The following NCAM1 variants were observed in gnomAD, a reference collection of about 807,000 sequenced individuals.
NCAM1 encodes antigen recognized by monoclonal antibody 5.1H11.
Under a neutral mutation model 109.8 loss-of-function variants are expected in NCAM1, and 14 were observed. The observed-to-expected ratio is 0.13, with a 90% confidence interval of 0.08 to 0.20. The LOEUF (loss-of-function observed/expected upper bound fraction) is 0.20, where lower values mean the gene tolerates loss of function less well. Ranked by LOEUF, NCAM1 falls within the 10% of genes least tolerant of loss-of-function variation. NCAM1 has a pLI of 1.00. For missense variants in NCAM1, 774 were observed against 1,109.9 expected, an observed-to-expected ratio of 0.70 and a Z score of 4.30; for synonymous variants, 418 against 442.9, an observed-to-expected ratio of 0.94 and a Z score of 0.70.
Position 113,233,365 on chromosome 11 carries a change from T to G in NCAM1, c.1693+48T>G. On this transcript the variant is annotated intron_variant, in intron 13 of 19. Coordinates refer to ENST00000316851, the MANE Select transcript of NCAM1 (RefSeq NM_181351.5). This position sits in a 1 kb window ranked among gnomAD's most constrained non-coding sequence, Gnocchi z 4.5. Reference sequence around the variant, plus strand: ...TCCATTGGGATCATGAGTGCCTCAGTACTCAGATGTCCCCACCTGCCATCC... The same window carrying G: ...TCCATTGGGATCATGAGTGCCTCAGGACTCAGATGTCCCCACCTGCCATCC... 6.4e-7 allele frequency: 1 copy of G among 1,553,266 alleles called. No homozygotes were observed. Among genetic ancestry groups the G allele is most frequent in the Non-Finnish European group, 8.8e-7 (1 of 1,140,170 alleles).
At chr11:112,999,743 T>G (rs1375067217) in intron 1 of NCAM1, among the ~76,000 whole-genome samples, 2 of 152,156 alleles carry the variant, frequency 1.3e-5, no homozygotes, top group African/African-American at 4.8e-5. Context: ...ATGTTTCCCC[T>G]GAGACAGTGT....
chr11:113,203,819 T>G lies in NCAM1; in HGVS notation c.128-467T>G, dbSNP rs1365608515. 2.0e-5 allele frequency among the ~76,000 whole-genome samples: 3 copies of G among 152,220 alleles called. No homozygotes were observed. In the East Asian group the frequency reaches 5.8e-4, roughly 29 times the overall value. ...TCTGCACTCCTATACTAGCCAGTATTTCTCGCCTTCATCTCAGGAGACCCA... is the reference window on the plus strand; with the variant it reads ...TCTGCACTCCTATACTAGCCAGTATGTCTCGCCTTCATCTCAGGAGACCCA... On this transcript the variant is annotated intron_variant, in intron 2 of 19. Transcript: ENST00000316851.
chr11:113,035,236 T>C lies in NCAM1; in HGVS notation c.52+73572T>C, dbSNP rs1952835363. On this transcript the variant is annotated intron_variant, in intron 1 of 19. Transcript: ENST00000316851. The stretch of plus-strand genomic sequence containing the variant: ...TCTTCTATGAAAACAGCAATTCTGG[T>C]TTGATAAGTTTGATTCTCAATTTTT... Among the ~76,000 whole-genome samples the C allele has an allele frequency of 1.3e-5, 2 of 152,228 alleles. 1 individual carries two copies. The highest frequency in any genetic ancestry group is 4.1e-4 in the South Asian group (2 of 4,824).
intron 1 of NCAM1, among the ~76,000 whole-genome samples, chr11:113,180,889 G>T (rs1943308624): frequency 6.6e-6 from 1 of 152,224 alleles, no homozygotes; most frequent in Non-Finnish European, 1.5e-5. Flanking sequence ...CAATGAGTAT[G>T]CAGAGACCAT....
At chr11:113,226,599 C>G (rs1483010417) in intron 9 of NCAM1, among the ~76,000 whole-genome samples, 1 of 152,208 alleles carries the variant, frequency 6.6e-6, no homozygotes, top group Non-Finnish European at 1.5e-5. Flanking sequence ...ATCTACAGAA[C>G]TCTCCACCCC....
intron 1 of NCAM1, among the ~76,000 whole-genome samples, chr11:113,111,519 T>TGGAC (rs112124628): frequency 0.071 from 10,854 of 152,162 alleles, 729 homozygotes; most frequent in Admixed American, 0.17. Context: ...GTGGGAGGTC[T>TGGAC]GGACCACAGG....
chr11:113,050,371 C>A (rs1555081625), intron 1 of NCAM1, among the ~76,000 whole-genome samples: 1 of 152,088 alleles, frequency 6.6e-6, no homozygotes, highest in Non-Finnish European at 1.5e-5. Flanking sequence ...TATTTAACTT[C>A]TAGTTTTTTG....
intron 1 of NCAM1, among the ~76,000 whole-genome samples, chr11:113,173,585 T>TATATATATATATATA (rs1272373735): frequency 7.0e-5 from 5 of 71,330 alleles, no homozygotes; most frequent in Non-Finnish European, 1.3e-4. Context: ...TATTAGCATG[T>TATATATATATATATA]TACCTGATAT....
At chr11:113,107,515 C>A (rs1217206833) in intron 1 of NCAM1, among the ~76,000 whole-genome samples, 2 of 152,044 alleles carry the variant, frequency 1.3e-5, no homozygotes, top group Non-Finnish European at 2.9e-5. Flanking sequence ...AAAGATTTAA[C>A]GGAGTCACAG....
intron 1 of NCAM1, among the ~76,000 whole-genome samples, chr11:113,146,310 G>A (rs1375134434): frequency 1.3e-5 from 2 of 152,150 alleles, no homozygotes; most frequent in East Asian, 3.9e-4. Flanking sequence ...AGCAGAATGG[G>A]TTGTTGGTTC....
chr11:113,047,373 G>A (rs1186480253), intron 1 of NCAM1, among the ~76,000 whole-genome samples: 2 of 152,034 alleles, frequency 1.3e-5, no homozygotes, highest in East Asian at 3.8e-4. Flanking sequence ...TTGATTATAA[G>A]CAATACTGTA....
chr11:113,192,261 A>G (rs1943701380), intron 1 of NCAM1, among the ~76,000 whole-genome samples: 1 of 152,304 alleles, frequency 6.6e-6, no homozygotes, highest in East Asian at 1.9e-4. Flanking sequence ...AAGAAGGCCT[A>G]TCTTATCAGG....
intron 18 of NCAM1, among the ~76,000 whole-genome samples, chr11:113,271,369 C>CAAAAAAAAAAA (rs71060298): frequency 4.6e-4 from 31 of 66,874 alleles, no homozygotes; most frequent in African/African-American, 1.9e-3. Flanking sequence ...GACTCTGTCT[C>CAAAAAAAAAAA]AAAAAAAAAA....
chr11:113,167,873 A>ATTACTGTTGTTGTTGTTTTGGGCG (rs1565475582), intron 1 of NCAM1, among the ~76,000 whole-genome samples: 1 of 152,086 alleles, frequency 6.6e-6, no homozygotes, highest in Non-Finnish European at 1.5e-5. Context: ...GCGGTTGGGC[A>ATTACTGTTGTTGTTGTTTTGGGCG]GGGTGTATTA....
At chr11:113,260,868 G>A (rs1424971257) in intron 17 of NCAM1, among the ~76,000 whole-genome samples, 1 of 152,136 alleles carries the variant, frequency 6.6e-6, no homozygotes, top group Non-Finnish European at 1.5e-5. Context: ...TGAACCACTT[G>A]TAATAGAACA....
intron 1 of NCAM1, among the ~76,000 whole-genome samples, chr11:113,103,029 A>G (rs1349659264): frequency 6.6e-6 from 1 of 152,196 alleles, no homozygotes; most frequent in Non-Finnish European, 1.5e-5. Context: ...GGTGCAGAGC[A>G]TTGCATTCTC....
chr11:112,989,981 C>T (rs1951413830), intron 1 of NCAM1, among the ~76,000 whole-genome samples: 1 of 152,060 alleles, frequency 6.6e-6, no homozygotes, highest in South Asian at 2.1e-4. Flanking sequence ...TTTATTTTGC[C>T]TTCTTTTCTT....
intron 1 of NCAM1, among the ~76,000 whole-genome samples, chr11:113,164,435 A>T (rs1942711253): frequency 6.6e-6 from 1 of 152,128 alleles, no homozygotes; most frequent in Non-Finnish European, 1.5e-5. Context: ...GCTCAGTCCC[A>T]CGAGACTGCC....
chr11:113,236,416 C>A, intron 14 of NCAM1: 1 of 1,296,386 alleles, frequency 7.7e-7, no homozygotes, highest in Non-Finnish European at 1.1e-6. Context: ...CCCCTAGAGG[C>A]TGAAGTAGAT....
Sources: gnomAD v4.1 joint callset for allele counts (sites outside exome capture counted in the v4.1 genomes callset) on GRCh38, gnomAD v4.1.1 for gene constraint, Gnocchi (gnomAD v3.1) non-coding constraint, MANE v1.5 for transcripts, NCBI Gene and HGNC (gene_info 2026-07-23, HGNC 2026-07-21) for gene names.